CRMP1: variants seen among roughly 807,000 people sequenced by gnomAD.
The protein encoded by CRMP1 is dihydropyrimidinase-related protein 1.
In CRMP1, 19 loss-of-function variants were observed where a neutral mutation model predicts 68.3. The ratio of observed to expected loss-of-function variants is 0.28; its 90% CI spans 0.19 to 0.41. The LOEUF (loss-of-function observed/expected upper bound fraction) is 0.41, where lower values mean the gene tolerates loss of function less well. CRMP1 is among the 10% of genes least tolerant of loss of function. CRMP1 has a pLI of 1.00. For synonymous variants in CRMP1, 439 were observed against 399.6 expected, an observed-to-expected ratio of 1.10 and a Z score of -1.18; for missense variants, 791 against 967.4, an observed-to-expected ratio of 0.82 and a Z score of 2.42.
rs1483257593 is a variant in CRMP1 at position 5,870,953 on chromosome 4, C to T, written c.382-4197G>A. Among the ~76,000 whole-genome samples the T allele has an allele frequency of 6.6e-6, 1 of 152,172 alleles. No homozygotes were observed. The highest frequency in any genetic ancestry group is 1.5e-5 in the Non-Finnish European group (1 of 68,028). ...TTCCGGAACACGGCCGCCCCGCAGGCACCCGTCTGTCTTGTCACTATTAAT... is the reference window on the plus strand; with the variant it reads ...TTCCGGAACACGGCCGCCCCGCAGGTACCCGTCTGTCTTGTCACTATTAAT... On this transcript the variant is annotated intron_variant, in intron 1 of 13. Coordinates refer to ENST00000324989, the MANE Select transcript of CRMP1 (RefSeq NM_001014809.3). The surrounding 1 kb of genome is among the most constrained non-coding windows in gnomAD (Gnocchi z 6.0).
rs1391375995 is a variant in CRMP1 at position 5,820,975 on chromosome 4, C to A, written c.*785G>T. The A allele has an allele frequency of 6.7e-6, 1 of 150,068 alleles. No individual in the cohort carries two copies. The highest frequency in any genetic ancestry group is 1.5e-5 in the Non-Finnish European group (1 of 68,034). The allele number at this position is 150,068 out of a possible 1,614,324, so 9.3% of individuals were successfully genotyped here. ...CAGGCCACGCAGGGGCAGCCATCAGCCCCCCATCGTCAGCCCCGAATGGGG... is the reference window on the plus strand; with the variant it reads ...CAGGCCACGCAGGGGCAGCCATCAGACCCCCATCGTCAGCCCCGAATGGGG... On this transcript the variant is annotated 3_prime_UTR_variant, in exon 14 of 14. Transcript: ENST00000324989.
intron 11 of CRMP1, among the ~76,000 whole-genome samples, chr4:5,829,112 T>C (rs1168678880): frequency 6.6e-5 from 10 of 152,224 alleles, no homozygotes. Flanking sequence ...ATGGCCAAAT[T>C]ATTTTCCCAA....
Position 5,841,525 on chromosome 4 carries a change from TC to T in CRMP1, c.1033-98del. On this transcript the variant is annotated intron_variant, in intron 7 of 13. Coordinates refer to ENST00000324989, the MANE Select transcript of CRMP1 (RefSeq NM_001014809.3). This position sits in a 1 kb window ranked among gnomAD's most constrained non-coding sequence, Gnocchi z 6.9. ...TAATTGAATGTGATCAGAAGGGAAA[TC>T]TGCTCCATTGAATGAGAAGGACATA... is the stretch of plus-strand genomic sequence containing the variant. 1.3e-6 allele frequency: 2 copies of T among 1,560,418 alleles called. No homozygotes were observed. Among genetic ancestry groups the T allele is most frequent in the Non-Finnish European group, 1.7e-6 (2 of 1,146,548 alleles).
rs1438212950 is a variant in CRMP1 at position 5,879,106 on chromosome 4, G to C, written c.382-12350C>G. On this transcript the variant is annotated intron_variant, in intron 1 of 13. Transcript: ENST00000324989. The surrounding 1 kb of genome is among the most constrained non-coding windows in gnomAD (Gnocchi z 4.2). ...TCTCCTCAAAATCCTTCACCAGCTT[G>C]TCCTCATCTGTAGGACAAAGCTCAC... 1.3e-5 allele frequency among the ~76,000 whole-genome samples: 2 copies of C among 152,100 alleles called. No homozygotes were observed. Among genetic ancestry groups the C allele is most frequent in the Non-Finnish European group, 2.9e-5 (2 of 68,032 alleles).
intron 5 of CRMP1, among the ~76,000 whole-genome samples, chr4:5,849,781 T>C (rs767926687): frequency 2.6e-5 from 4 of 152,154 alleles, no homozygotes; most frequent in Non-Finnish European, 5.9e-5. Context: ...TCTTTTTGGG[T>C]TGGCTTTTTT....
chr4:5,828,751 T>C, intron 11 of CRMP1, 83 bp from the exon 12 acceptor site: 1 of 1,484,518 alleles, frequency 6.7e-7, no homozygotes. Context: ...TGCCTAACAT[T>C]ATATCATAAG....
Position 5,860,212 on chromosome 4 carries a change from G to A in CRMP1, c.655+814C>T, listed in dbSNP as rs182641420. Reference sequence around the variant, plus strand: ...TGACCTTGGCCAATGGAATGTGGGTGGAAGTTGCAGCATGGAAGTGAGGAG... The same window carrying A: ...TGACCTTGGCCAATGGAATGTGGGTAGAAGTTGCAGCATGGAAGTGAGGAG... On this transcript the variant is annotated intron_variant, in intron 3 of 13. Coordinates refer to ENST00000324989, the MANE Select transcript of CRMP1 (RefSeq NM_001014809.3). The surrounding 1 kb of genome is among the most constrained non-coding windows in gnomAD (Gnocchi z 4.2). Among the ~76,000 whole-genome samples, 15 of 152,286 alleles carry A rather than the reference G, an allele frequency of 9.8e-5. No individual in the cohort carries two copies. The East Asian group carries it at 1.5e-3, about 16-fold the overall frequency.
chr4:5,825,321 C>T lies in CRMP1; in HGVS notation c.1969+173G>A. The stretch of plus-strand genomic sequence containing the variant: ...CATGGACCCCCCTCTGCTTGGTGAC[C>T]ATGCCAGCCCACTCTGCCCCACCAG... On this transcript the variant is annotated intron_variant, in intron 13 of 13. Coordinates refer to ENST00000324989, the MANE Select transcript of CRMP1 (RefSeq NM_001014809.3). This position sits in a 1 kb window ranked among gnomAD's most constrained non-coding sequence, Gnocchi z 4.4. 1 of 985,258 alleles carries T rather than the reference C, an allele frequency of 1.0e-6. No individual in the cohort carries two copies. The highest frequency in any genetic ancestry group is 1.2e-6 in the Non-Finnish European group (1 of 829,920). 61.0% of individuals were successfully genotyped at this position (985,258 alleles called of 1,614,324 possible). A position where few individuals can be genotyped will look rare whatever the true frequency, so the allele number is the denominator to read the frequency against.
In CRMP1 at chr4:5,853,479, C is replaced by A. The variant is rs1415520965; in HGVS notation, c.821-2010G>T. On this transcript the variant is annotated intron_variant, in intron 4 of 13. Coordinates refer to ENST00000324989, the MANE Select transcript of CRMP1 (RefSeq NM_001014809.3). The surrounding 1 kb of genome is among the most constrained non-coding windows in gnomAD (Gnocchi z 4.7). Reference sequence around the variant, plus strand: ...ATGTGGAGAAAAGGCAATTCCTGAGCACCGTTTGTGGGAATGTAAATTAGC... The same window carrying A: ...ATGTGGAGAAAAGGCAATTCCTGAGAACCGTTTGTGGGAATGTAAATTAGC... Among the ~76,000 whole-genome samples, 2 of 152,170 alleles carry A rather than the reference C, an allele frequency of 1.3e-5. No individual in the cohort carries two copies. Among genetic ancestry groups the A allele is most frequent in the Non-Finnish European group, 2.9e-5 (2 of 68,030 alleles).
rs1715766461 is a variant in CRMP1, at chr4:5,888,490, G to A, written c.381+4099C>T. On this transcript the variant is annotated intron_variant, in intron 1 of 13. Coordinates refer to ENST00000324989, the MANE Select transcript of CRMP1 (RefSeq NM_001014809.3). The surrounding 1 kb of genome is among the most constrained non-coding windows in gnomAD (Gnocchi z 6.4). ...AGCACCGCCCGGATCGGCGAGGAGG[G>A]CGGGAGAAGGAGGAGGGAGAGGCGA... is the stretch of plus-strand genomic sequence containing the variant. The A allele has an allele frequency of 8.3e-7, 1 of 1,204,872 alleles. No homozygotes were observed. The highest frequency in any genetic ancestry group is 1.0e-6 in the Non-Finnish European group (1 of 970,878). 74.6% of individuals were successfully genotyped at this position (1,204,872 alleles called of 1,614,324 possible). A position where few individuals can be genotyped will look rare whatever the true frequency, so the allele number is the denominator to read the frequency against.
At chr4:5,857,405 T>C (rs1440418131) in intron 3 of CRMP1, among the ~76,000 whole-genome samples, 2 of 152,016 alleles carry the variant, frequency 1.3e-5, no homozygotes, top group African/African-American at 4.8e-5. Flanking sequence ...ACCATCATCA[T>C]TGTCATACTG....
chr4:5,891,585 T>C lies in CRMP1; in HGVS notation c.381+1004A>G, dbSNP rs1161277731. ...GGAACTTCTGGAGGGTGGGGCCAGG[T>C]TGCTGAGCCAGGGACCTAGCGCCTA... is the stretch of plus-strand genomic sequence containing the variant. On this transcript the variant is annotated intron_variant, in intron 1 of 13. Coordinates refer to ENST00000324989, the MANE Select transcript of CRMP1 (RefSeq NM_001014809.3). The surrounding 1 kb of genome is among the most constrained non-coding windows in gnomAD (Gnocchi z 5.2). Among the ~76,000 whole-genome samples the C allele has an allele frequency of 6.6e-6, 1 of 152,174 alleles. No individual in the cohort carries two copies. The highest frequency in any genetic ancestry group is 2.4e-5 in the African/African-American group (1 of 41,448).
At chr4:5,886,521 T>A (rs888120782) in intron 1 of CRMP1, among the ~76,000 whole-genome samples, 1 of 152,250 alleles carries the variant, frequency 6.6e-6, no homozygotes, top group African/African-American at 2.4e-5. Context: ...GTAGGCCTGG[T>A]GACCACTTCA....
At chr4:5,848,621 C>T (rs906150289) in intron 6 of CRMP1, among the ~76,000 whole-genome samples, 2 of 152,220 alleles carry the variant, frequency 1.3e-5, no homozygotes, top group African/African-American at 2.4e-5. Context: ...CTCACATACA[C>T]GATGTCTTAC....
intron 11 of CRMP1, among the ~76,000 whole-genome samples, chr4:5,835,606 C>T (rs771236571): frequency 1.3e-5 from 2 of 152,112 alleles, no homozygotes; most frequent in African/African-American, 2.4e-5. Context: ...CTCGCTGAGC[C>T]CTGAAGCTTA....
At chr4:5,851,342 TG>T in intron 5 of CRMP1, 65 bp downstream of exon 5, 1 of 1,440,946 alleles carries the variant, frequency 6.9e-7, no homozygotes, top group Non-Finnish European at 9.8e-7. Context: ...CTGTGCTGCC[TG>T]GACTGGCAAA....
chr4:5,825,884 C>A lies in CRMP1; in HGVS notation c.1804-225G>T. 1 of 513,682 alleles carries A rather than the reference C, an allele frequency of 1.9e-6. No individual in the cohort carries two copies. Among genetic ancestry groups the A allele is most frequent in the Non-Finnish European group, 3.5e-6 (1 of 288,832 alleles). The allele number at this position is 513,682 out of a possible 1,614,324, so 31.8% of individuals were successfully genotyped here. On this transcript the variant is annotated intron_variant, in intron 12 of 13. Coordinates refer to ENST00000324989, the MANE Select transcript of CRMP1 (RefSeq NM_001014809.3). This position sits in a 1 kb window ranked among gnomAD's most constrained non-coding sequence, Gnocchi z 4.4. ...GCATACACACACATCTACATACCCA[C>A]ATGCATACACATACAGACGCACACA...
Position 5,889,796 on chromosome 4 carries a change from C to G in CRMP1, c.381+2793G>C, listed in dbSNP as rs1715856792. ...GGGCTGGGGCCCTGACCTTCACCAC[C>G]CCAGGGGCCAGTCCCCTAATCCAGG... On this transcript the variant is annotated intron_variant, in intron 1 of 13. Transcript: ENST00000324989. This position sits in a 1 kb window ranked among gnomAD's most constrained non-coding sequence, Gnocchi z 4.5. The G allele has an allele frequency of 1.3e-6, 2 of 1,522,926 alleles. No homozygotes were observed. The highest frequency in any genetic ancestry group is 8.8e-7 in the Non-Finnish European group (1 of 1,138,604). The allele number at this position is 1,522,926 out of a possible 1,614,324, so 94.3% of individuals were successfully genotyped here. A position where few individuals can be genotyped will look rare whatever the true frequency, so the allele number is the denominator to read the frequency against.
At position 5,843,213 on chromosome 4, in the gene CRMP1, G is replaced by A. The variant is rs1711922494; in HGVS notation, c.964-52C>T. 6.3e-7 allele frequency: 1 copy of A among 1,591,004 alleles called. No homozygotes were observed. Among genetic ancestry groups the A allele is most frequent in the Non-Finnish European group, 8.6e-7 (1 of 1,159,176 alleles). On this transcript the variant is annotated intron_variant, in intron 6 of 13. Coordinates refer to ENST00000324989, the MANE Select transcript of CRMP1 (RefSeq NM_001014809.3). The surrounding 1 kb of genome is among the most constrained non-coding windows in gnomAD (Gnocchi z 4.1). The stretch of plus-strand genomic sequence containing the variant: ...CGATTAGAGGGTGTCAGAGCTGGGA[G>A]AAGTGACTCCTCCAACCCCCTGGTT...
Sources: allele counts gnomAD v4.1 joint callset (sites outside exome capture counted in the v4.1 genomes callset), GRCh38; gene constraint gnomAD v4.1.1; non-coding constraint Gnocchi (gnomAD v3.1); transcripts MANE v1.5; gene names NCBI Gene and HGNC (gene_info 2026-07-23, HGNC 2026-07-21).